Variants in IFNGR2 observed in about 807,000 individuals in gnomAD.
IFNGR2 encodes the protein IFN-gamma receptor 2.
In IFNGR2, 15 loss-of-function variants were observed where a neutral mutation model predicts 41.1. That is an observed-to-expected ratio of 0.37 (90% CI 0.24 to 0.56). The LOEUF is 0.56. Among genes scored for constraint, IFNGR2 ranks in the 20% least tolerant of loss-of-function variants. IFNGR2 has a pLI of 0.81. For synonymous variants in IFNGR2, 161 were observed against 171.6 expected, an observed-to-expected ratio of 0.94 and a Z score of 0.48; for missense variants, 362 against 415.7, an observed-to-expected ratio of 0.87 and a Z score of 1.12.
At chr21:33,436,802 C>T (rs1204963645) in intron 6 of IFNGR2, 26 bp from the exon 7 acceptor site, 7 of 1,608,756 alleles carry the variant, frequency 4.4e-6, no homozygotes, top group East Asian at 2.2e-5. Flanking sequence ...AAACTAATTA[C>T]AATTTTGCTT....
Position 33,403,481 on chromosome 21 carries a change from G to C in IFNGR2, c.-63G>C. 1 of 1,035,556 alleles carries C rather than the reference G, an allele frequency of 9.7e-7. No individual in the cohort carries two copies. The highest frequency in any genetic ancestry group is 1.2e-6 in the Non-Finnish European group (1 of 842,778). 64.1% of individuals were successfully genotyped at this position (1,035,556 alleles called of 1,614,324 possible). A position where few individuals can be genotyped will look rare whatever the true frequency, so the allele number is the denominator to read the frequency against. On this transcript the variant is annotated 5_prime_UTR_variant, in exon 1 of 7. Transcript: ENST00000290219. The stretch of plus-strand genomic sequence containing the variant: ...TGGCGGTTTGGGCGGCGACGTGAGC[G>C]GCTCCGCGGACCCCGAGCGGGGCCC...
intron 6 of IFNGR2, among the ~76,000 whole-genome samples, chr21:33,435,214 T>TG (rs1385998176): frequency 6.6e-6 from 1 of 152,192 alleles, no homozygotes; most frequent in Non-Finnish European, 1.5e-5. Flanking sequence ...CCCCTTTATA[T>TG]GTTAAGGCCT....
chr21:33,411,423 A>G (rs1169875346), intron 1 of IFNGR2: 3 of 470,774 alleles, frequency 6.4e-6, no homozygotes, highest in African/African-American at 6.0e-5. Context: ...AGAAGAGACT[A>G]TTCCTGTTGG....
chr21:33,432,896 T>TA, intron 6 of IFNGR2, 25 bp downstream of exon 6: 1 of 1,604,192 alleles, frequency 6.2e-7, no homozygotes, highest in Non-Finnish European at 8.5e-7. Context: ...ATCTCTTTTT[T>TA]TTTTTTTGAG....
chr21:33,406,193 G>T (rs1336357552), intron 1 of IFNGR2, among the ~76,000 whole-genome samples: 2 of 152,156 alleles, frequency 1.3e-5, no homozygotes, highest in African/African-American at 4.8e-5. Flanking sequence ...TGGCCAACAT[G>T]TTAAAAACCC....
At position 33,405,679 on chromosome 21, in the gene IFNGR2, CTTTAATTGTATTCTA is replaced by C. The variant is rs2083672858; in HGVS notation, c.73+2064_73+2078del. Among the ~76,000 whole-genome samples, 4 of 152,252 alleles carry C rather than the reference CTTTAATTGTATTCTA, an allele frequency of 2.6e-5. No individual in the cohort carries two copies. The South Asian group carries it at 8.3e-4, about 32-fold the overall frequency. ...ACCTGTCCATCTTGTTAATGATTAACTTTAATTGTATTCTACAAAAGTTTTGGTCTATGTGATATG... is the reference window on the plus strand; with the variant it reads ...ACCTGTCCATCTTGTTAATGATTAACCAAAAGTTTTGGTCTATGTGATATG... On this transcript the variant is annotated intron_variant, in intron 1 of 6. Transcript: ENST00000290219.
At chr21:33,424,688 ACCT>A (rs2123354560) in intron 3 of IFNGR2, among the ~76,000 whole-genome samples, 1 of 151,988 alleles carries the variant, frequency 6.6e-6, no homozygotes, top group African/African-American at 2.4e-5. Context: ...AAGTAGTGTC[ACCT>A]CCTGGCTTCC....
intron 1 of IFNGR2, among the ~76,000 whole-genome samples, chr21:33,413,919 G>C (rs923122906): frequency 9.0e-5 from 12 of 133,710 alleles, no homozygotes; most frequent in Non-Finnish European, 1.8e-4. Context: ...TGCAACCTCT[G>C]CCTCCTGGGT....
chr21:33,419,707 T>A (rs1427633404), intron 2 of IFNGR2, among the ~76,000 whole-genome samples: 2 of 152,202 alleles, frequency 1.3e-5, no homozygotes, highest in African/African-American at 2.4e-5. Context: ...ACATGAATCA[T>A]ATCTGGTTAT....
At chr21:33,427,841 C>CTTTTTTTTTT (rs2083851840) in intron 4 of IFNGR2, among the ~76,000 whole-genome samples, 3 of 116,920 alleles carry the variant, frequency 2.6e-5, no homozygotes, top group African/African-American at 1.0e-4. Flanking sequence ...CATCTCATTT[C>CTTTTTTTTTT]ATCTTTTTTT....
intron 1 of IFNGR2, among the ~76,000 whole-genome samples, chr21:33,412,962 A>C (rs1568951934): frequency 6.6e-6 from 1 of 152,230 alleles, no homozygotes; most frequent in African/African-American, 2.4e-5. Context: ...GACTTGCTCC[A>C]GGTTTGGAAG....
intron 4 of IFNGR2, among the ~76,000 whole-genome samples, chr21:33,431,817 C>G (rs1195913231): frequency 6.6e-6 from 1 of 152,226 alleles, no homozygotes; most frequent in Non-Finnish European, 1.5e-5. Context: ...GGTGATCCAC[C>G]CACCCTGGCC....
At chr21:33,433,918 G>C (rs144491775) in intron 6 of IFNGR2, among the ~76,000 whole-genome samples, 2 of 152,078 alleles carry the variant, frequency 1.3e-5, no homozygotes. Flanking sequence ...AAGTGGCCTG[G>C]CTGGAGGACG....
chr21:33,406,950 C>T (rs1372163196), intron 1 of IFNGR2, among the ~76,000 whole-genome samples: 2 of 152,054 alleles, frequency 1.3e-5, no homozygotes, highest in African/African-American at 4.8e-5. Flanking sequence ...AGCCTGGCTC[C>T]GGAAACAGAT....
intron 4 of IFNGR2, among the ~76,000 whole-genome samples, chr21:33,430,610 A>AT (rs1016552460): frequency 2.6e-5 from 4 of 151,716 alleles, no homozygotes; most frequent in Non-Finnish European, 5.9e-5. Flanking sequence ...TGACCAGCTT[A>AT]TTTTTTTATT....
intron 4 of IFNGR2, among the ~76,000 whole-genome samples, 163 bp downstream of exon 4, chr21:33,427,195 C>T (rs1460088270): frequency 6.6e-6 from 1 of 152,142 alleles, no homozygotes; most frequent in Non-Finnish European, 1.5e-5. Context: ...TCTTCAAGAC[C>T]TGTTTTTCCA....
chr21:33,411,965 A>G (rs1020742009), intron 1 of IFNGR2, among the ~76,000 whole-genome samples: 3 of 152,142 alleles, frequency 2.0e-5, no homozygotes, highest in African/African-American at 7.2e-5. Context: ...CTAGAGTGCA[A>G]TGATTATTCA....
At chr21:33,408,432 G>T (rs2083693268) in intron 1 of IFNGR2, among the ~76,000 whole-genome samples, 1 of 152,086 alleles carries the variant, frequency 6.6e-6, no homozygotes, top group Admixed American at 6.5e-5. Flanking sequence ...CTGACCTTAA[G>T]TGATCTGCCT....
At position 33,421,642 on chromosome 21, in the gene IFNGR2, T is replaced by C; in HGVS notation, c.369T>C (p.His123=). Residue 123 remains histidine (H), a synonymous_variant, in exon 3 of 7, where the codon CAT becomes CAC. Coordinates refer to ENST00000290219, the MANE Select transcript of IFNGR2 (RefSeq NM_005534.4). ...TTCGAGCTGAGCTGGGAGCACTCCA[T>C]TCTGCCTGGGTGACAATGCCTTGGT... ...LRLRAELGAL[H]SAWVTMPWFQ... is the part of the protein sequence containing the mutation. The C allele has an allele frequency of 6.2e-7, 1 of 1,614,190 alleles. No homozygotes were observed. The highest frequency in any genetic ancestry group is 8.5e-7 in the Non-Finnish European group (1 of 1,180,024).
Sources: allele counts gnomAD v4.1 joint callset (sites outside exome capture counted in the v4.1 genomes callset), GRCh38; gene constraint gnomAD v4.1.1; transcripts MANE v1.5; gene names NCBI Gene and HGNC (gene_info 2026-07-23, HGNC 2026-07-21).